Variants in TRANK1 observed in about 807,000 individuals in gnomAD.
The protein encoded by TRANK1 is tetratricopeptide repeat and ankyrin repeat containing 1.
In TRANK1, 198 loss-of-function variants were observed where a neutral mutation model predicts 266.0. That is an observed-to-expected ratio of 0.74 (90% CI 0.66 to 0.84). TRANK1 has a LOEUF of 0.84. TRANK1 is among the 40% of genes least tolerant of loss of function. TRANK1 has a pLI of 0.00. For synonymous variants in TRANK1, 1,396 were observed against 1,384.1 expected, an observed-to-expected ratio of 1.01 and a Z score of -0.19; for missense variants, 3,326 against 3,634.6, an observed-to-expected ratio of 0.92 and a Z score of 2.18.
At chr3:36,876,179 T>C (rs1222868038) in intron 8 of TRANK1, among the ~76,000 whole-genome samples, 2 of 152,212 alleles carry the variant, frequency 1.3e-5, no homozygotes, top group Admixed American at 1.3e-4. Context: ...CAGCACCTCC[T>C]CTCTCTCAGC....
chr3:36,861,996 C>T (rs971601560), intron 10 of TRANK1, among the ~76,000 whole-genome samples: 8 of 152,122 alleles, frequency 5.3e-5, no homozygotes, highest in East Asian at 1.9e-4. Flanking sequence ...TGAGCCACTG[C>T]ACCCGGCCAA....
chr3:36,882,687 A>G (rs1251075573), intron 8 of TRANK1, among the ~76,000 whole-genome samples: 1 of 152,212 alleles, frequency 6.6e-6, no homozygotes, highest in Non-Finnish European at 1.5e-5. Flanking sequence ...ACAAAAAACA[A>G]CAAAGTCAGA....
intron 1 of TRANK1, among the ~76,000 whole-genome samples, chr3:36,926,467 A>G (rs1029196658): frequency 2.6e-5 from 4 of 152,222 alleles, no homozygotes; most frequent in African/African-American, 9.6e-5. Flanking sequence ...ACACAGGTCT[A>G]GGAGAGAGAC....
chr3:36,908,857 C>A (rs1261515888), intron 1 of TRANK1, among the ~76,000 whole-genome samples: 1 of 152,198 alleles, frequency 6.6e-6, no homozygotes, highest in East Asian at 1.9e-4. Flanking sequence ...AACTGAGGCT[C>A]AGAGGTTCAA....
rs780004686 is a variant in TRANK1, at chr3:36,838,368, A to G, written c.5517+4T>C. ...CTGGAGCAGCAGCGGACTAGGAGCC[A>G]TACCTTTCCCAGCCTCTCGCACAGC... On this transcript the variant is annotated splice_donor_region_variant and intron_variant, in intron 20 of 23. Transcript: ENST00000645898. 4 of 1,613,916 alleles carry G rather than the reference A, an allele frequency of 2.5e-6. No individual in the cohort carries two copies. In the South Asian group the frequency reaches 4.4e-5, roughly 18 times the overall value.
Position 36,874,266 on chromosome 3 carries a change from C to T in TRANK1, c.938G>A (p.Arg313His), listed in dbSNP as rs906507642. The part of the protein sequence containing the change: ...RQTEDVQMLL[R>H]FGADPTLLDR... ...CAGCAAAGTGGGATCTGCCCCAAAG[C>T]GCAGGAGCATCTGCACATCCTCTGT... Residue 313 changes from arginine (R) to histidine (H), a missense_variant, in exon 9 of 24, where the codon CGC (arginine) becomes CAC (histidine). By Grantham distance (29) the Arg-to-His change is conservative (BLOSUM62 0). Transcript: ENST00000645898. 18 of 1,536,974 alleles carry T rather than the reference C, an allele frequency of 1.2e-5. No homozygotes were observed. The Middle Eastern group carries it at 6.7e-4, about 57-fold the overall frequency.
intron 6 of TRANK1, 36 bp from the exon 7 acceptor site, chr3:36,892,376 G>A: frequency 6.5e-7 from 1 of 1,535,748 alleles, no homozygotes; most frequent in African/African-American, 1.4e-5. Flanking sequence ...AATTATGGAA[G>A]TCACTAATCA....
intron 1 of TRANK1, among the ~76,000 whole-genome samples, chr3:36,918,544 A>AAGGAAGGT (rs2080164924): frequency 1.7e-5 from 1 of 58,328 alleles, no homozygotes; most frequent in Non-Finnish European, 3.7e-5. Context: ...GGAAGGAAGG[A>AAGGAAGGT]AGGAAGGAAG....
intron 3 of TRANK1, among the ~76,000 whole-genome samples, chr3:36,901,846 G>C (rs1423974580): frequency 1.3e-5 from 2 of 152,198 alleles, no homozygotes; most frequent in Admixed American, 6.5e-5. Context: ...CTTGATGTAA[G>C]AGCATCAAGT....
At chr3:36,861,455 G>A (rs769898113) in intron 10 of TRANK1, among the ~76,000 whole-genome samples, 14 of 152,000 alleles carry the variant, frequency 9.2e-5, no homozygotes, top group Non-Finnish European at 1.5e-4. Flanking sequence ...AGATCAGAAG[G>A]GCAAAAGCCT....
At position 36,861,073 on chromosome 3, in the gene TRANK1, T is replaced by A; in HGVS notation, c.1328A>T (p.Glu443Val). 6.5e-7 allele frequency: 1 copy of A among 1,537,714 alleles called. No homozygotes were observed. Residue 443 changes from glutamate (E) to valine (V), a missense_variant, in exon 11 of 24, where the codon GAG becomes GTG. Physicochemically the swap from Glu to Val is moderately radical, Grantham distance 121 (BLOSUM62 -2). Transcript: ENST00000645898. ...KFLLEKQRWP[E>V]VLLLLTRKVS... ...TTTGCGGGTCAGCAGCAGAAGCACC[T>A]CAGGCCATCTCTGTTTTTCCAATAA...
Position 36,879,236 on chromosome 3 carries a change from G to A in TRANK1, c.908-4940C>T, listed in dbSNP as rs559145962. Among the ~76,000 whole-genome samples, 186 of 151,226 alleles carry A rather than the reference G, an allele frequency of 1.2e-3. 1 individual carries two copies. Among genetic ancestry groups the A allele is most frequent in the Non-Finnish European group, 1.9e-3 (131 of 67,800 alleles). On this transcript the variant is annotated intron_variant, in intron 8 of 23. Transcript: ENST00000645898. ...AACAAAACAACCAGAATGATCCTTA[G>A]GCTTATGAGAAGCCAAGTTATGATT...
Position 36,852,130 on chromosome 3 carries a change from A to G in TRANK1, c.4749+16T>C. 1 of 1,563,836 alleles carries G rather than the reference A, an allele frequency of 6.4e-7. No homozygotes were observed. Among genetic ancestry groups the G allele is most frequent in the Non-Finnish European group, 8.6e-7 (1 of 1,162,210 alleles). ...ACTGTCTTTTATTTCAAAACATAAA[A>G]TCCCAAGCAGCTCACCTGGTGGGCT... On this transcript the variant is annotated intron_variant, in intron 14 of 23. Transcript: ENST00000645898.
intron 1 of TRANK1, among the ~76,000 whole-genome samples, chr3:36,944,198 C>T (rs1319915233): frequency 6.6e-6 from 1 of 152,206 alleles, no homozygotes; most frequent in Non-Finnish European, 1.5e-5. Context: ...CTACCTTCCC[C>T]CTAGACTCGG....
intron 8 of TRANK1, among the ~76,000 whole-genome samples, chr3:36,887,791 C>G (rs1375796868): frequency 6.6e-6 from 1 of 152,086 alleles, no homozygotes; most frequent in Non-Finnish European, 1.5e-5. Flanking sequence ...TAGTTGTTTG[C>G]CAGAATATCA....
chr3:36,892,832 CA>C, intron 6 of TRANK1, 68 bp downstream of exon 6: 1 of 642,360 alleles, frequency 1.6e-6, no homozygotes, highest in Non-Finnish European at 2.0e-6. Flanking sequence ...AGTCTCAAAA[CA>C]AAACAAAACA....
Position 36,895,632 on chromosome 3 carries a change from T to C in TRANK1, c.552+8A>G. 1 of 1,508,304 alleles carries C rather than the reference T, an allele frequency of 6.6e-7. No homozygotes were observed. 93.4% of individuals were successfully genotyped at this position (1,508,304 alleles called of 1,614,324 possible). ...CTCTCCCCGTGAGAGCCATCTCCTT[T>C]TACTTACATGCCATAATCCTTTCTT... On this transcript the variant is annotated splice_region_variant and intron_variant, in intron 5 of 23. Transcript: ENST00000645898.
At chr3:36,940,849 G>A (rs1559484206) in intron 1 of TRANK1, among the ~76,000 whole-genome samples, 2 of 152,186 alleles carry the variant, frequency 1.3e-5, no homozygotes, top group Admixed American at 6.5e-5. Flanking sequence ...GTGAGAAAAG[G>A]CAAGAAGAAA....
chr3:36,924,857 GC>G (rs998918492), intron 1 of TRANK1, among the ~76,000 whole-genome samples: 2 of 152,106 alleles, frequency 1.3e-5, no homozygotes, highest in African/African-American at 2.4e-5. Flanking sequence ...AGCCAAAGGA[GC>G]CCCCCCGGAC....
Sources: allele counts gnomAD v4.1 joint callset (sites outside exome capture counted in the v4.1 genomes callset), GRCh38; gene constraint gnomAD v4.1.1; transcripts MANE v1.5; gene names NCBI Gene and HGNC (gene_info 2026-07-23, HGNC 2026-07-21).